The following DHX35 variants were observed in gnomAD, a reference collection of about 807,000 sequenced individuals.
DHX35 encodes DEAH-box helicase 35.
DHX35 carries 84 observed loss-of-function variants against 99.6 expected under a neutral mutation model. The observed-to-expected ratio is 0.84, with a 90% CI of 0.71 to 1.01. DHX35 has a LOEUF of 1.01. Ranked by LOEUF, DHX35 falls within the 50% of genes least tolerant of loss-of-function variation. DHX35 has a pLI of 0.00. For synonymous variants in DHX35, 331 were observed against 316.2 expected (o/e 1.05, Z -0.50); for missense variants, 852 against 888.5 (o/e 0.96, Z 0.52).
At chr20:39,009,794 C>G (rs2086671312) in intron 12 of DHX35, among the ~76,000 whole-genome samples, 1 of 152,102 alleles carries the variant, frequency 6.6e-6, no homozygotes, top group African/African-American at 2.4e-5. Flanking sequence ...GCATTGGATT[C>G]TGGGAATGAT....
chr20:39,034,774 C>CTT (rs59858652), intron 21 of DHX35, among the ~76,000 whole-genome samples: 14 of 135,142 alleles, frequency 1.0e-4, no homozygotes, highest in African/African-American at 3.3e-4. Context: ...TTTCTTTTTT[C>CTT]TTTTTTTTTT....
At chr20:38,982,138 C>A (rs1421171040) in intron 3 of DHX35, among the ~76,000 whole-genome samples, 2 of 151,932 alleles carry the variant, frequency 1.3e-5, no homozygotes, top group Non-Finnish European at 2.9e-5. Context: ...TATGCAAATG[C>A]TTCTGATTCC....
At chr20:39,031,997 C>T (rs562588939) in intron 20 of DHX35, among the ~76,000 whole-genome samples, 2 of 152,284 alleles carry the variant, frequency 1.3e-5, no homozygotes, top group African/African-American at 2.4e-5. Flanking sequence ...GGCCTTTAGA[C>T]ATCTTTATAA....
chr20:39,038,069 G>A (rs1277166020), intron 21 of DHX35, among the ~76,000 whole-genome samples: 1 of 152,130 alleles, frequency 6.6e-6, no homozygotes, highest in East Asian at 1.9e-4. Flanking sequence ...TGACTTCCTT[G>A]GTCCTAAAGA....
intron 3 of DHX35, among the ~76,000 whole-genome samples, chr20:38,974,031 G>A (rs551412925): frequency 6.6e-5 from 10 of 152,206 alleles, no homozygotes; most frequent in Non-Finnish European, 1.5e-4. Flanking sequence ...TTTGGTGAAC[G>A]TATGTGCACA....
intron 18 of DHX35, among the ~76,000 whole-genome samples, chr20:39,026,387 G>A (rs1420147097): frequency 6.6e-6 from 1 of 152,192 alleles, no homozygotes. Flanking sequence ...TATACTAAGA[G>A]CAAGTGATTA....
In DHX35 at chr20:39,031,372, C is replaced by T. The variant is rs568965535; in HGVS notation, c.1955+597C>T. ...TTTTTGAGACAGAGTTTCGCTCTGT[C>T]GCCCAGGCTGGAGTGCAGTGACGGC... On this transcript the variant is annotated intron_variant, in intron 20 of 21. Coordinates refer to ENST00000252011, the MANE Select transcript of DHX35 (RefSeq NM_021931.4). Among the ~76,000 whole-genome samples the T allele has an allele frequency of 2.6e-3, 382 of 145,492 alleles. 3 individuals are homozygous for T. Among genetic ancestry groups the T allele is most frequent in the African/African-American group, 8.1e-3 (319 of 39,512 alleles).
intron 2 of DHX35, among the ~76,000 whole-genome samples, chr20:38,970,429 C>T (rs1297229332): frequency 6.6e-6 from 1 of 152,192 alleles, no homozygotes; most frequent in Non-Finnish European, 1.5e-5. Context: ...CTAACACATT[C>T]ACTATGTATG....
At chr20:39,010,588 A>C (rs183446206) in intron 13 of DHX35, among the ~76,000 whole-genome samples, 184 bp downstream of exon 13, 9 of 152,294 alleles carry the variant, frequency 5.9e-5, no homozygotes, top group Admixed American at 3.3e-4. Context: ...AGGTAGCCTC[A>C]ATTCCTATTC....
chr20:39,036,734 A>C (rs1166302959), intron 21 of DHX35, among the ~76,000 whole-genome samples: 4 of 150,372 alleles, frequency 2.7e-5, no homozygotes, highest in African/African-American at 9.7e-5. Flanking sequence ...CCCAAAAAAA[A>C]AAAAAAAAAA....
At chr20:39,019,915 A>G (rs1016552768) in intron 15 of DHX35, among the ~76,000 whole-genome samples, 6 of 152,186 alleles carry the variant, frequency 3.9e-5, no homozygotes, top group Non-Finnish European at 5.9e-5. Context: ...AGCCTCTGGT[A>G]ACCACCTTTC....
chr20:39,016,339 CA>C (rs2145922406), intron 14 of DHX35, among the ~76,000 whole-genome samples: 1 of 152,282 alleles, frequency 6.6e-6, no homozygotes, highest in South Asian at 2.1e-4. Flanking sequence ...CCCCATCTCC[CA>C]ACACTGTCAC....
chr20:39,011,676 A>G (rs1448795379), intron 13 of DHX35, among the ~76,000 whole-genome samples: 3 of 152,176 alleles, frequency 2.0e-5, no homozygotes, highest in African/African-American at 2.4e-5. Context: ...AGTACTTCTT[A>G]TATTTGGGTC....
intron 3 of DHX35, chr20:38,978,123 T>A (rs1242759384): frequency 1.4e-5 from 11 of 778,538 alleles, no homozygotes; most frequent in Non-Finnish European, 2.1e-5. Flanking sequence ...ACTTCAACTG[T>A]AAGACCACCG....
At position 39,025,263 on chromosome 20, in the gene DHX35, T is replaced by C. The variant is rs1185886530; in HGVS notation, c.1705T>C (p.Phe569Leu). The change falls in exon 18 of 22, where the codon TTC becomes CTC. Residue 569 changes from phenylalanine to leucine, a missense_variant. By Grantham distance (22) the Phe-to-Leu change is conservative. Transcript: ENST00000252011. ...GGACTCTAAATGGTGTCAGGAACAT[T>C]TCCTGAATTACAAGGGTCTTGTCAG... is the stretch of plus-strand genomic sequence containing the variant. ...NKDSKWCQEH[F>L]LNYKGLVRAA... 4.3e-6 allele frequency: 7 copies of C among 1,613,432 alleles called. No homozygotes were observed. The highest frequency in any genetic ancestry group is 5.9e-6 in the Non-Finnish European group (7 of 1,179,702).
intron 18 of DHX35, among the ~76,000 whole-genome samples, chr20:39,028,182 A>G (rs111982451): frequency 2.1e-4 from 32 of 152,312 alleles, no homozygotes; most frequent in African/African-American, 7.0e-4. Context: ...TCCCAGGTTC[A>G]AGGAGCAGAC....
At chr20:38,994,067 A>C (rs140952491) in intron 7 of DHX35, among the ~76,000 whole-genome samples, 27 of 152,286 alleles carry the variant, frequency 1.8e-4, no homozygotes, top group Non-Finnish European at 3.7e-4. Flanking sequence ...CTGGGCTAGC[A>C]CATAAGTTAG....
At chr20:38,970,939 G>A (rs192864952) in intron 2 of DHX35, among the ~76,000 whole-genome samples, 99 of 152,054 alleles carry the variant, frequency 6.5e-4, no homozygotes, top group African/African-American at 2.3e-3. Flanking sequence ...GCAAAGCAGA[G>A]TTTAAGTACA....
At chr20:38,985,374 CAAAAAAAAAAA>C (rs58084339) in intron 4 of DHX35, among the ~76,000 whole-genome samples, 2 of 73,966 alleles carry the variant, frequency 2.7e-5, no homozygotes, top group Non-Finnish European at 5.9e-5. Flanking sequence ...ACCCTATCTC[CAAAAAAAAAAA>C]AAAAAAAAAA....
Sources: allele counts gnomAD v4.1 joint callset (sites outside exome capture counted in the v4.1 genomes callset), GRCh38; gene constraint gnomAD v4.1.1; transcripts MANE v1.5; gene names NCBI Gene and HGNC (gene_info 2026-07-23, HGNC 2026-07-21).